Variants in PKP4 observed in about 807,000 individuals in gnomAD.
PKP4 encodes plakophilin 4.
PKP4 carries 90 observed loss-of-function variants against 145.1 expected under a neutral mutation model. That is an observed-to-expected ratio of 0.62 (90% CI 0.52 to 0.74). The LOEUF is 0.74. Among genes scored for constraint, PKP4 ranks in the 30% least tolerant of loss-of-function variants. The pLI is 0.00. For synonymous variants in PKP4, 563 were observed against 577.2 expected (o/e 0.98, Z 0.35); for missense variants, 1,340 against 1,482.7 (o/e 0.90, Z 1.58).
rs576553964 is a variant in PKP4 at position 158,511,742 on chromosome 2, G to A, written c.-5-21438G>A. Among the ~76,000 whole-genome samples the A allele has an allele frequency of 1.8e-4, 28 of 152,192 alleles. No homozygotes were observed. The South Asian group carries it at 5.8e-3, about 32-fold the overall frequency. On this transcript the variant is annotated intron_variant, in intron 1 of 21. Transcript: ENST00000389759. ...ATTTTTGATTTGCAGTTTTATTTTT[G>A]TACAAGCTTTCATGTAGAATATGAT... is the stretch of plus-strand genomic sequence containing the variant.
intron 1 of PKP4, among the ~76,000 whole-genome samples, chr2:158,488,099 A>C (rs967689890): frequency 5.3e-5 from 8 of 152,176 alleles, no homozygotes; most frequent in Non-Finnish European, 8.8e-5. Flanking sequence ...ACTGCCACCT[A>C]CTAAATTGTT....
chr2:158,469,237 A>G (rs909735617), intron 1 of PKP4, among the ~76,000 whole-genome samples: 3 of 151,590 alleles, frequency 2.0e-5, no homozygotes, highest in Non-Finnish European at 4.4e-5. Flanking sequence ...TTACAGGTGC[A>G]CACCACCATG....
intron 1 of PKP4, among the ~76,000 whole-genome samples, chr2:158,471,986 C>T (rs567461768): frequency 6.6e-6 from 1 of 152,198 alleles, no homozygotes; most frequent in East Asian, 1.9e-4. Context: ...TACCAAAAAG[C>T]GCTATCTAGG....
chr2:158,608,898 C>T (rs1010399140), intron 4 of PKP4, among the ~76,000 whole-genome samples: 2 of 141,878 alleles, frequency 1.4e-5, no homozygotes, highest in African/African-American at 5.2e-5. Context: ...ACTGCAACAG[C>T]CACCTCCTGG....
chr2:158,467,856 AAAAAT>A (rs1423514803), intron 1 of PKP4, among the ~76,000 whole-genome samples: 3 of 152,166 alleles, frequency 2.0e-5, no homozygotes, highest in Admixed American at 6.5e-5. Flanking sequence ...CCAAAAATAA[AAAAAT>A]AAAAAAAGAA....
At chr2:158,624,674 C>CAA (rs999943180) in intron 6 of PKP4, among the ~76,000 whole-genome samples, 52 of 81,212 alleles carry the variant, frequency 6.4e-4, no homozygotes, top group African/African-American at 8.2e-4. Flanking sequence ...TTTAAACCAC[C>CAA]AAAAAAAAAA....
At chr2:158,461,005 C>T (rs919936318) in intron 1 of PKP4, among the ~76,000 whole-genome samples, 1 of 152,180 alleles carries the variant, frequency 6.6e-6, no homozygotes, top group African/African-American at 2.4e-5. Flanking sequence ...AGCTTTCATT[C>T]TTACATCAAT....
At chr2:158,671,756 C>T (rs948007478) in intron 17 of PKP4, among the ~76,000 whole-genome samples, 2 of 152,184 alleles carry the variant, frequency 1.3e-5, no homozygotes, top group East Asian at 1.9e-4. Context: ...AGGTGCCAAA[C>T]GAACAGAAAC....
chr2:158,660,960 T>TA lies in PKP4; in HGVS notation c.2094-371dup, dbSNP rs2056515982. The TA allele has an allele frequency of 5.5e-5, 9 of 162,272 alleles. No homozygotes were observed. In the South Asian group the frequency reaches 1.4e-3, roughly 25 times the overall value. 10.1% of individuals were successfully genotyped at this position (162,272 alleles called of 1,614,324 possible). ...ACCTTCTGGGAAGGAGGCACTTTTC[T>TA]AATTGCTTTCTATGTAGCAACTCGT... On this transcript the variant is annotated intron_variant, in intron 12 of 21. Coordinates refer to ENST00000389759, the MANE Select transcript of PKP4 (RefSeq NM_003628.6).
In PKP4 at chr2:158,663,319, G is replaced by A. The variant is rs878992814; in HGVS notation, c.2451G>A (p.Gly817=). Residue 817 remains glycine, a synonymous_variant, in exon 15 of 22, where the codon GGG becomes GGA. Coordinates refer to ENST00000389759, the MANE Select transcript of PKP4 (RefSeq NM_003628.6). ...PIPGLSKSPK[G]VEMLWHPSVV... ...CAGGACTGTCGAAGTCCCCCAAAGGGGTTGAGATGCTGTGGCACCCATCGG... is the reference window on the plus strand; with the variant it reads ...CAGGACTGTCGAAGTCCCCCAAAGGAGTTGAGATGCTGTGGCACCCATCGG... The A allele has an allele frequency of 1.2e-6, 2 of 1,614,104 alleles. No homozygotes were observed. Among genetic ancestry groups the A allele is most frequent in the Non-Finnish European group, 1.7e-6 (2 of 1,180,006 alleles).
chr2:158,591,277 A>G (rs1207095572), intron 3 of PKP4, among the ~76,000 whole-genome samples: 4 of 152,064 alleles, frequency 2.6e-5, no homozygotes, highest in Admixed American at 6.6e-5. Context: ...AATACTGACT[A>G]GATACTTGTT....
In PKP4 at chr2:158,479,462, G is replaced by A. The variant is rs1003045594; in HGVS notation, c.-6+22244G>A. ...TGGTCTTGAAATCCTGGACTCAAGC[G>A]ATCGGCCCGCCTTAGCCTCCCAAAG... On this transcript the variant is annotated intron_variant, in intron 1 of 21. Coordinates refer to ENST00000389759, the MANE Select transcript of PKP4 (RefSeq NM_003628.6). Among the ~76,000 whole-genome samples, 11 of 152,118 alleles carry A rather than the reference G, an allele frequency of 7.2e-5. 1 individual carries two copies. Among genetic ancestry groups the A allele is most frequent in the Admixed American group, 5.2e-4 (8 of 15,270 alleles).
intron 2 of PKP4, among the ~76,000 whole-genome samples, chr2:158,540,278 G>C (rs1197627149): frequency 6.6e-6 from 1 of 152,148 alleles, no homozygotes; most frequent in Admixed American, 6.5e-5. Flanking sequence ...CTATGAACTT[G>C]AACAGACTCC....
rs386391605 is a variant in PKP4, at chr2:158,545,073, C to CT, written c.132+11783dup. Among the ~76,000 whole-genome samples, 99 of 72,500 alleles carry CT rather than the reference C, an allele frequency of 1.4e-3. 20 individuals are homozygous for CT. The highest frequency in any genetic ancestry group is 3.2e-3 in the African/African-American group (57 of 17,632). 47.6% of individuals were successfully genotyped at this position (72,500 alleles called of 152,430 possible). ...GAGCAGGCCTAACCTAAGTCTTTCA[C>CT]TTTTTTTTTTTTTTTTTTTTTTTTT... On this transcript the variant is annotated intron_variant, in intron 2 of 21. Coordinates refer to ENST00000389759, the MANE Select transcript of PKP4 (RefSeq NM_003628.6).
At chr2:158,543,246 G>C (rs2044681247) in intron 2 of PKP4, among the ~76,000 whole-genome samples, 1 of 152,106 alleles carries the variant, frequency 6.6e-6, no homozygotes, top group South Asian at 2.1e-4. Context: ...GGAGCATTTT[G>C]AATTTTGGGT....
chr2:158,504,627 A>G (rs928206037), intron 1 of PKP4, among the ~76,000 whole-genome samples: 9 of 152,064 alleles, frequency 5.9e-5, no homozygotes, highest in Non-Finnish European at 1.2e-4. Flanking sequence ...TTGAGGGTTG[A>G]TTCAGGTTCA....
chr2:158,532,751 A>G (rs938870433), intron 1 of PKP4, among the ~76,000 whole-genome samples: 4 of 152,254 alleles, frequency 2.6e-5, no homozygotes, highest in African/African-American at 9.6e-5. Context: ...AGCTAGCTAT[A>G]GGACTCCACC....
At chr2:158,490,711 C>T (rs1384569745) in intron 1 of PKP4, among the ~76,000 whole-genome samples, 1 of 152,008 alleles carries the variant, frequency 6.6e-6, no homozygotes, top group Non-Finnish European at 1.5e-5. Flanking sequence ...TGTAGGTTTA[C>T]AGTAGCAAAT....
chr2:158,463,131 C>T (rs563231564), intron 1 of PKP4, among the ~76,000 whole-genome samples: 1 of 152,218 alleles, frequency 6.6e-6, no homozygotes, highest in Non-Finnish European at 1.5e-5. Flanking sequence ...AAAAGAGAAT[C>T]CAGCACAGTA....
Sources: allele counts gnomAD v4.1 joint callset (sites outside exome capture counted in the v4.1 genomes callset), GRCh38; gene constraint gnomAD v4.1.1; transcripts MANE v1.5; gene names NCBI Gene and HGNC (gene_info 2026-07-23, HGNC 2026-07-21).